The following ACSL1 variants were observed in gnomAD, a reference collection of about 807,000 sequenced individuals.
ACSL1 encodes the protein acyl-CoA synthetase long chain family member 1, also known as long-chain-fatty-acid--CoA ligase 1.
In ACSL1, 41 loss-of-function variants were observed where a neutral mutation model predicts 98.4. The ratio of observed to expected loss-of-function variants is 0.42; its 90% confidence interval spans 0.32 to 0.54. The LOEUF is 0.54. ACSL1 is among the 20% of genes least tolerant of loss of function. ACSL1 has a pLI of 0.13. For synonymous variants in ACSL1, 316 were observed against 322.7 expected (o/e 0.98, Z 0.22); for missense variants, 734 against 883.1 (o/e 0.83, Z 2.14).
chr4:184,759,491 G>GA (rs1011869108), intron 18 of ACSL1, among the ~76,000 whole-genome samples: 10 of 152,006 alleles, frequency 6.6e-5, no homozygotes, highest in African/African-American at 1.9e-4. Context: ...AAATTTACAA[G>GA]AAAAAAACAA....
chr4:184,783,957 G>C lies in ACSL1; in HGVS notation c.345C>G (p.Asp115Glu), dbSNP rs1415968034. Residue 115 changes from aspartate (D) to glutamate (E), a missense_variant, in exon 4 of 21, where the codon GAC becomes GAG. Physicochemically the swap from Asp to Glu is conservative, Grantham distance 45. Coordinates refer to ENST00000281455, the MANE Select transcript of ACSL1 (RefSeq NM_001995.5). ...TATATGAAAGCCATTCATAGGGTTG[G>C]TCTGGTTTCCGAGAGCCTAAACAAG... ...NGPCLGSRKP[D>E]QPYEWLSYKQ... is the part of the protein sequence containing the mutation. 1 of 1,613,780 alleles carries C rather than the reference G, an allele frequency of 6.2e-7. No individual in the cohort carries two copies. The highest frequency in any genetic ancestry group is 1.3e-5 in the African/African-American group (1 of 74,870).
intron 1 of ACSL1, among the ~76,000 whole-genome samples, chr4:184,810,513 CA>C (rs1400918519): frequency 6.6e-6 from 1 of 152,136 alleles, no homozygotes; most frequent in Non-Finnish European, 1.5e-5. Flanking sequence ...GCAGTAAGTG[CA>C]AAATGAATTC....
intron 18 of ACSL1, 140 bp downstream of exon 18, chr4:184,760,217 C>A: frequency 1.0e-6 from 1 of 967,758 alleles, no homozygotes. Flanking sequence ...AAATCAGTAA[C>A]AGGTCAATGA....
chr4:184,775,007 T>G (rs1469275309), intron 7 of ACSL1, among the ~76,000 whole-genome samples: 1 of 152,212 alleles, frequency 6.6e-6, no homozygotes, highest in Non-Finnish European at 1.5e-5. Flanking sequence ...CAAAAACTGA[T>G]GTTAAATAAA....
rs1267686403 is a variant in ACSL1 at position 184,765,947 on chromosome 4, C to T, written c.1303G>A (p.Ala435Thr). Residue 435 changes from alanine (A) to threonine (T), a missense_variant, in exon 14 of 21, where the codon GCC becomes ACC. Coordinates refer to ENST00000281455, the MANE Select transcript of ACSL1 (RefSeq NM_001995.5). Reference protein sequence around the residue: ...GGRVRLMVTGAAPVSATVLTF... With the variant: ...GGRVRLMVTGTAPVSATVLTF... ...AGCACAGTGGCAGACACCGGGGCGG[C>T]TCCTGTCACCATCAGCCGGACTCTT... The T allele has an allele frequency of 6.2e-7, 1 of 1,614,070 alleles. No homozygotes were observed. Among genetic ancestry groups the T allele is most frequent in the Admixed American group, 1.7e-5 (1 of 60,018 alleles).
chr4:184,788,694 C>A lies in ACSL1; in HGVS notation c.233G>T (p.Ser78Ile). 6.2e-7 allele frequency: 1 copy of A among 1,614,202 alleles called. No individual in the cohort carries two copies. The highest frequency in any genetic ancestry group is 1.3e-5 in the African/African-American group (1 of 75,056). Residue 78 changes from serine (S) to isoleucine (I), a missense_variant, in exon 3 of 21, where the codon AGC becomes ATC. Physicochemically the swap from Ser to Ile is moderately radical, Grantham distance 142 (BLOSUM62 -2). Transcript: ENST00000281455. ...GGARRSALLD[S>I]DEPLVYFYDD... ...ATAGAAATACACCAAGGGCTCGTCG[C>A]TGTCAAGTAGTGCGGATCTTCGTGC...
chr4:184,795,676 T>C (rs1287309227), intron 2 of ACSL1, among the ~76,000 whole-genome samples: 1 of 152,192 alleles, frequency 6.6e-6, no homozygotes, highest in Non-Finnish European at 1.5e-5. Context: ...CTAACACTTT[T>C]CCCACCTAAT....
rs749385303 is a variant in ACSL1 at position 184,773,795 on chromosome 4, T to C, written c.789+48A>G. 35 of 1,613,794 alleles carry C rather than the reference T, an allele frequency of 2.2e-5. No homozygotes were observed. In the Middle Eastern group the frequency reaches 4.3e-3, roughly 198 times the overall value. Reference sequence around the variant, plus strand: ...AAGCCACAAGGTACCAGGCTAGATATTGAAAACTACAAAGAGGACAGAGCA... The same window carrying C: ...AAGCCACAAGGTACCAGGCTAGATACTGAAAACTACAAAGAGGACAGAGCA... On this transcript the variant is annotated intron_variant, in intron 8 of 20. Coordinates refer to ENST00000281455, the MANE Select transcript of ACSL1 (RefSeq NM_001995.5). This position sits in a 1 kb window ranked among gnomAD's most constrained non-coding sequence, Gnocchi z 4.3.
chr4:184,786,692 C>CTTTT (rs34391801), intron 3 of ACSL1, among the ~76,000 whole-genome samples: 32 of 123,812 alleles, frequency 2.6e-4, no homozygotes, highest in Non-Finnish European at 3.7e-4. Flanking sequence ...TAGGCACTTT[C>CTTTT]TTTTTTTTTT....
chr4:184,762,548 A>G, intron 16 of ACSL1, 25 bp from the exon 17 acceptor site: 1 of 1,598,746 alleles, frequency 6.3e-7, no homozygotes, highest in Non-Finnish European at 8.6e-7. Flanking sequence ...ATCATCAGTG[A>G]ACAGCATTTA....
At chr4:184,821,207 A>G (rs1773047346) in intron 1 of ACSL1, 1 of 430,948 alleles carries the variant, frequency 2.3e-6, no homozygotes, top group South Asian at 1.6e-5. Flanking sequence ...CAGCTACCAC[A>G]GCCCTGCTTT....
chr4:184,807,288 A>G (rs1350137924), intron 1 of ACSL1, among the ~76,000 whole-genome samples: 1 of 152,264 alleles, frequency 6.6e-6, no homozygotes, highest in Non-Finnish European at 1.5e-5. Flanking sequence ...GGAAATTTAT[A>G]GCCTGGGCAT....
chr4:184,784,987 TATGAA>T (rs1374381617), intron 3 of ACSL1, among the ~76,000 whole-genome samples: 1 of 152,168 alleles, frequency 6.6e-6, no homozygotes, highest in Admixed American at 6.5e-5. Context: ...GCATTAGCCA[TATGAA>T]ATGATGCGAT....
At position 184,781,162 on chromosome 4, in the gene ACSL1, C is replaced by T. The variant is rs896652013; in HGVS notation, c.376-729G>A. Among the ~76,000 whole-genome samples, 20 of 135,390 alleles carry T rather than the reference C, an allele frequency of 1.5e-4. No individual in the cohort carries two copies. The East Asian group carries it at 2.5e-3, about 17-fold the overall frequency. 88.8% of individuals were successfully genotyped at this position (135,390 alleles called of 152,430 possible). ...GGCAGAATTGCTTGAACCCAGGAGG[C>T]GGAGTCTGCAGTGCACTGAGATCAC... On this transcript the variant is annotated intron_variant, in intron 4 of 20. Transcript: ENST00000281455.
intron 12 of ACSL1, among the ~76,000 whole-genome samples, chr4:184,767,540 G>C (rs1452371542): frequency 6.6e-6 from 1 of 152,030 alleles, no homozygotes; most frequent in Non-Finnish European, 1.5e-5. Context: ...GTTTCTCTTG[G>C]AGGTCATGAA....
At chr4:184,807,796 G>A (rs1366045624) in intron 1 of ACSL1, among the ~76,000 whole-genome samples, 1 of 152,212 alleles carries the variant, frequency 6.6e-6, no homozygotes, top group African/African-American at 2.4e-5. Flanking sequence ...AGAAACCAAG[G>A]CCAGAGACTT....
chr4:184,793,371 G>A (rs997521611), intron 2 of ACSL1, among the ~76,000 whole-genome samples: 23 of 152,172 alleles, frequency 1.5e-4, no homozygotes, highest in Admixed American at 4.6e-4. Flanking sequence ...CAGGAAAACC[G>A]TGAACATCTG....
intron 1 of ACSL1, among the ~76,000 whole-genome samples, chr4:184,809,951 T>C (rs754464956): frequency 7.9e-5 from 12 of 152,250 alleles, no homozygotes; most frequent in Non-Finnish European, 1.6e-4. Context: ...CACATTTTCC[T>C]CTTCCACTGA....
intron 15 of ACSL1, among the ~76,000 whole-genome samples, chr4:184,764,616 C>G (rs970735301): frequency 6.6e-6 from 1 of 152,188 alleles, no homozygotes; most frequent in African/African-American, 2.4e-5. Context: ...CTAGGCAAGT[C>G]TCTGCTGCCA....
Sources: gnomAD v4.1 joint callset for allele counts (sites outside exome capture counted in the v4.1 genomes callset) on GRCh38, gnomAD v4.1.1 for gene constraint, Gnocchi (gnomAD v3.1) non-coding constraint, MANE v1.5 for transcripts, NCBI Gene and HGNC (gene_info 2026-07-23, HGNC 2026-07-21) for gene names.